The following ZC2HC1C variants were observed in gnomAD, a reference collection of about 807,000 sequenced individuals.
ZC2HC1C encodes zinc finger C2HC-type containing 1C, also known as zinc finger C2HC domain-containing protein 1C.
Under a neutral mutation model 39.2 loss-of-function variants are expected in ZC2HC1C, and 25 were observed. The observed-to-expected ratio is 0.64, with a 90% CI of 0.47 to 0.89. The LOEUF (loss-of-function observed/expected upper bound fraction) is 0.89. Ranked by LOEUF, ZC2HC1C falls within the 40% of genes least tolerant of loss-of-function variation. The probability of loss-of-function intolerance (pLI) is 0.00; values close to 1 mark genes in which losing one functional copy is unlikely to be tolerated. For synonymous variants in ZC2HC1C, 209 were observed against 214.4 expected (o/e 0.97, Z 0.22); for missense variants, 519 against 548.6 (o/e 0.95, Z 0.54).
chr14:75,072,543 A>G (rs1893477027), intron 2 of ZC2HC1C, among the ~76,000 whole-genome samples: 1 of 152,236 alleles, frequency 6.6e-6, no homozygotes, highest in South Asian at 2.1e-4. Flanking sequence ...TGGTTATCTT[A>G]CAAACCATGC....
intron 2 of ZC2HC1C, among the ~76,000 whole-genome samples, chr14:75,073,053 T>G (rs1308983920): frequency 1.3e-5 from 2 of 152,214 alleles, no homozygotes; most frequent in Non-Finnish European, 2.9e-5. Context: ...TGGCACCTCT[T>G]GTCCATTGGC....
At chr14:75,077,192 G>GT (rs1893712582) in intron 2 of ZC2HC1C, among the ~76,000 whole-genome samples, 1 of 152,194 alleles carries the variant, frequency 6.6e-6, no homozygotes, top group African/African-American at 2.4e-5. Flanking sequence ...TCTTCTGTGA[G>GT]TGTGCTTGGG....
chr14:75,071,377 C>T lies in ZC2HC1C; in HGVS notation c.804C>T (p.Leu268=), dbSNP rs746015227. 10 of 1,613,972 alleles carry T rather than the reference C, an allele frequency of 6.2e-6. No homozygotes were observed. Among genetic ancestry groups the T allele is most frequent in the Non-Finnish European group, 8.5e-6 (10 of 1,180,028 alleles). ...ACGGAGAGCTACAGAAAATTATACT[C>T]CCCAGGAGCAGAGTTAAAGGTAATA... ...NENGELQKII[L]PRSRVKGNKS... Residue 268 remains leucine, a synonymous_variant, in exon 2 of 3, where the codon CTC becomes CTT. Transcript: ENST00000524913.
chr14:75,070,903 G>T lies in ZC2HC1C; in HGVS notation c.330G>T (p.Ser110=), dbSNP rs1018831166. ...GCCAAGGAAATGGTTTGTTTTACTC[G>T]TCAGGCCCTCAATCCTGGTATCCCA... is the stretch of plus-strand genomic sequence containing the variant. ...SQGQGNGLFY[S]SGPQSWYPKA... The change falls in exon 2 of 3, where the codon TCG becomes TCT. Residue 110 remains serine, a synonymous_variant. Transcript: ENST00000524913. 7.4e-6 allele frequency: 12 copies of T among 1,614,040 alleles called. No homozygotes were observed. In the African/African-American group the frequency reaches 1.1e-4, roughly 14 times the overall value.
chr14:75,073,581 T>C (rs1893523850), intron 2 of ZC2HC1C: 2 of 1,289,214 alleles, frequency 1.6e-6, no homozygotes, highest in African/African-American at 1.5e-5. Flanking sequence ...TGCTGTGCCT[T>C]TGGAAGCTGA....
intron 2 of ZC2HC1C, chr14:75,073,421 G>A (rs182135863): frequency 7.4e-6 from 3 of 403,604 alleles, no homozygotes; most frequent in East Asian, 7.7e-5. Context: ...TTACGGTGAA[G>A]CAAAATAATT....
rs199523183 is a variant in ZC2HC1C at position 75,071,628 on chromosome 14, C to G, written c.1055C>G (p.Pro352Arg). The change falls in exon 2 of 3, where the codon CCG (proline) becomes CGG (arginine). Residue 352 changes from proline to arginine, a missense_variant. By Grantham distance (103) the Pro-to-Arg change is moderately radical. Coordinates refer to ENST00000524913, the MANE Select transcript of ZC2HC1C (RefSeq NM_024643.4). ...GAGCCATCGGTGGAGAAATTCTCCC[C>G]GCCTTCAGAAACACCAGTCGGTGCT... ...VSEPSVEKFS[P>R]PSETPVGALQ... The G allele has an allele frequency of 1.2e-6, 2 of 1,614,162 alleles. No individual in the cohort carries two copies. Among genetic ancestry groups the G allele is most frequent in the Non-Finnish European group, 1.7e-6 (2 of 1,180,032 alleles).
rs61732369 is a variant in ZC2HC1C, at chr14:75,070,987, G to T, written c.414G>T (p.Ala138=). The change falls in exon 2 of 3, where the codon GCG becomes GCT. Residue 138 remains alanine (A), a synonymous_variant. Transcript: ENST00000524913. ...AGAAACGAGTTGGAGTGGACCGGGC[G>T]TTCCCATTGAAACCCATGGTCCACA... ...FTKKRVGVDR[A]FPLKPMVHRK... is the part of the protein sequence containing the mutation. The T allele has an allele frequency of 2.5e-6, 4 of 1,614,138 alleles. No homozygotes were observed. Among genetic ancestry groups the T allele is most frequent in the Non-Finnish European group, 3.4e-6 (4 of 1,180,036 alleles).
rs576966166 is a variant in ZC2HC1C at position 75,071,852 on chromosome 14, C to A, written c.1279C>A (p.Arg427=). The change falls in exon 2 of 3, where the codon CGG becomes AGG. Residue 427 remains arginine (R), a synonymous_variant. Coordinates refer to ENST00000524913, the MANE Select transcript of ZC2HC1C (RefSeq NM_024643.4). ...KRKVFDSSRA[R]AKGTELEQYL... Reference sequence around the variant, plus strand: ...GAAAGTGTTTGACTCCTCCAGGGCCCGGGCTAAGGGCACAGAACTAGAGCA... The same window carrying A: ...GAAAGTGTTTGACTCCTCCAGGGCCAGGGCTAAGGGCACAGAACTAGAGCA... 17 of 1,613,754 alleles carry A rather than the reference C, an allele frequency of 1.1e-5. No homozygotes were observed. The highest frequency in any genetic ancestry group is 3.3e-4 in the Middle Eastern group (2 of 6,060).
Position 75,071,605 on chromosome 14 carries a change from G to A in ZC2HC1C, c.1032G>A (p.Glu344=). 6.2e-7 allele frequency: 1 copy of A among 1,614,170 alleles called. No homozygotes were observed. The highest frequency in any genetic ancestry group is 1.1e-5 in the South Asian group (1 of 91,082). The part of the protein sequence containing the change: ...SNNKIRDPVS[E]PSVEKFSPPS... ...ATAAAATTCGAGACCCAGTCTCAGA[G>A]CCATCGGTGGAGAAATTCTCCCCGC... is the stretch of plus-strand genomic sequence containing the variant. The change falls in exon 2 of 3, where the codon GAG becomes GAA. Residue 344 remains glutamate (E), a synonymous_variant. Transcript: ENST00000524913.
Position 75,073,688 on chromosome 14 carries a change from C to CTCTCTGGGA in ZC2HC1C, c.1338+1777_1338+1778insTCTCTGGGA, listed in dbSNP as rs1389788765. On this transcript the variant is annotated intron_variant, in intron 2 of 2. Transcript: ENST00000524913. ...CACGTAACTCCCAGCAGACGTACAC[C>CTCTCTGGGA]CTGTCTCTCTCCTGGACTGTAAGCA... The CTCTCTGGGA allele has an allele frequency of 3.1e-5, 36 of 1,175,956 alleles. No individual in the cohort carries two copies. In the African/African-American group the frequency reaches 5.0e-4, roughly 16 times the overall value. The allele number at this position is 1,175,956 out of a possible 1,614,324, so 72.8% of individuals were successfully genotyped here. A position where few individuals can be genotyped will look rare whatever the true frequency, so the allele number is the denominator to read the frequency against.
Position 75,071,274 on chromosome 14 carries a change from T to G in ZC2HC1C, c.701T>G (p.Leu234Arg). The G allele has an allele frequency of 6.2e-7, 1 of 1,614,020 alleles. No individual in the cohort carries two copies. Among genetic ancestry groups the G allele is most frequent in the Non-Finnish European group, 8.5e-7 (1 of 1,180,006 alleles). ...GAAATCCGAAGAAAGCAGATTCTCC[T>G]GAGGGGAAAGCTGAAGAAGACAGAG... ...EEEIRRKQIL[L>R]RGKLKKTEEE... Residue 234 changes from leucine (L) to arginine (R), a missense_variant, in exon 2 of 3, where the codon CTG (leucine) becomes CGG (arginine). Physicochemically the swap from Leu to Arg is moderately radical, Grantham distance 102. Coordinates refer to ENST00000524913, the MANE Select transcript of ZC2HC1C (RefSeq NM_024643.4).
At chr14:75,076,854 T>TTATAA in intron 2 of ZC2HC1C, among the ~76,000 whole-genome samples, 2 of 152,314 alleles carry the variant, frequency 1.3e-5, no homozygotes, top group African/African-American at 4.8e-5. Context: ...ATATTTAAGC[T>TTATAA]TAAGTGGGGC....
rs371168246 is a variant in ZC2HC1C at position 75,071,255 on chromosome 14, C to G, written c.682C>G (p.Arg228Gly). 1.9e-6 allele frequency: 3 copies of G among 1,613,768 alleles called. No homozygotes were observed. Among genetic ancestry groups the G allele is most frequent in the East Asian group, 2.2e-5 (1 of 44,888 alleles). ...AAGESLEEEI[R>G]RKQILLRGKL... Reference sequence around the variant, plus strand: ...AGGGGAGAGCTTAGAGGAGGAAATCCGAAGAAAGCAGATTCTCCTGAGGGG... The same window carrying G: ...AGGGGAGAGCTTAGAGGAGGAAATCGGAAGAAAGCAGATTCTCCTGAGGGG... Residue 228 changes from arginine to glycine, a missense_variant, in exon 2 of 3, where the codon CGA (arginine) becomes GGA (glycine). Transcript: ENST00000524913.
At position 75,079,092 on chromosome 14, in the gene ZC2HC1C, A is replaced by G. The variant is rs972296184; in HGVS notation, c.*1528A>G. On this transcript the variant is annotated 3_prime_UTR_variant, in exon 3 of 3. Transcript: ENST00000524913. ...TAAAATACTGGAGAAAAACTGCTCA[A>G]TTTGAGCTAGTCAACAGGGCTAGAC... is the stretch of plus-strand genomic sequence containing the variant. The G allele has an allele frequency of 6.6e-6, 1 of 152,092 alleles. No individual in the cohort carries two copies. Among genetic ancestry groups the G allele is most frequent in the Non-Finnish European group, 1.5e-5 (1 of 68,018 alleles). The allele number at this position is 152,092 out of a possible 1,614,324, so 9.4% of individuals were successfully genotyped here.
rs772572041 is a variant in ZC2HC1C, at chr14:75,070,552, T to C, written c.-19-3T>C. ...CCGTGTATCTGGTTTAAATCTCCCG[T>C]AGGCGTCAGTCCAGGCCCTGAATGG... On this transcript the variant is annotated splice_polypyrimidine_tract_variant and splice_region_variant and intron_variant, in intron 1 of 2. Coordinates refer to ENST00000524913, the MANE Select transcript of ZC2HC1C (RefSeq NM_024643.4). The C allele has an allele frequency of 6.3e-6, 10 of 1,579,024 alleles. No individual in the cohort carries two copies. The highest frequency in any genetic ancestry group is 3.4e-6 in the Non-Finnish European group (4 of 1,165,182).
chr14:75,077,514 C>A lies in ZC2HC1C; in HGVS notation c.1339-18C>A, dbSNP rs1294081369. Reference sequence around the variant, plus strand: ...ATAGGTGCCAACTTGAATGATCAGTCTCCCTTTTACATTACAGGCTGAACC... The same window carrying A: ...ATAGGTGCCAACTTGAATGATCAGTATCCCTTTTACATTACAGGCTGAACC... On this transcript the variant is annotated intron_variant, in intron 2 of 2. Transcript: ENST00000524913. 1 of 1,614,130 alleles carries A rather than the reference C, an allele frequency of 6.2e-7. No homozygotes were observed. Among genetic ancestry groups the A allele is most frequent in the East Asian group, 2.2e-5 (1 of 44,892 alleles).
chr14:75,070,398 T>C (rs1408921773), intron 1 of ZC2HC1C, among the ~76,000 whole-genome samples, 157 bp from the exon 2 acceptor site: 1 of 152,162 alleles, frequency 6.6e-6, no homozygotes, highest in Non-Finnish European at 1.5e-5. Flanking sequence ...ACTCACCAAA[T>C]GGTTTTTGAA....
At chr14:75,072,845 A>T (rs1187870394) in intron 2 of ZC2HC1C, among the ~76,000 whole-genome samples, 1 of 152,230 alleles carries the variant, frequency 6.6e-6, no homozygotes, top group Non-Finnish European at 1.5e-5. Flanking sequence ...ACAATATATT[A>T]AGCCCCTGAT....
Sources: gnomAD v4.1 joint callset for allele counts (sites outside exome capture counted in the v4.1 genomes callset) on GRCh38, gnomAD v4.1.1 for gene constraint, MANE v1.5 for transcripts, NCBI Gene and HGNC (gene_info 2026-07-23, HGNC 2026-07-21) for gene names.